SPTLC2: variants seen among roughly 807,000 people sequenced by gnomAD.
SPTLC2 encodes serine palmitoyltransferase 2.
A neutral mutation model predicts 62.0 loss-of-function variants in SPTLC2; 21 were observed. That is an observed-to-expected ratio of 0.34 (90% CI 0.24 to 0.49). The LOEUF (loss-of-function observed/expected upper bound fraction) is 0.49. Among genes scored for constraint, SPTLC2 ranks in the 20% least tolerant of loss-of-function variants. The pLI is 0.99. For synonymous variants in SPTLC2, 261 were observed against 261.8 expected (o/e 1.00, Z 0.03); for missense variants, 511 against 713.0 (o/e 0.72, Z 3.23).
intron 11 of SPTLC2, among the ~76,000 whole-genome samples, chr14:77,517,526 C>T (rs1290120291): frequency 2.6e-5 from 4 of 151,726 alleles, no homozygotes; most frequent in Non-Finnish European, 4.4e-5. Flanking sequence ...CAGACTTATT[C>T]CTATCCTCAA....
At chr14:77,591,363 G>A (rs1289738835) in intron 2 of SPTLC2, among the ~76,000 whole-genome samples, 1 of 152,114 alleles carries the variant, frequency 6.6e-6, no homozygotes, top group East Asian at 1.9e-4. Flanking sequence ...AATGGTTCAT[G>A]GTTTCTTTTT....
At position 77,525,786 on chromosome 14, in the gene SPTLC2, C is replaced by T. The variant is rs139454983; in HGVS notation, c.1304-4205G>A. Reference sequence around the variant, plus strand: ...AAAATTAGCCGGGCGTGGTGGTGGGCGCCTGTAGTCCCAGCTACCTGGGAG... The same window carrying T: ...AAAATTAGCCGGGCGTGGTGGTGGGTGCCTGTAGTCCCAGCTACCTGGGAG... On this transcript the variant is annotated intron_variant, in intron 9 of 11. Coordinates refer to ENST00000216484, the MANE Select transcript of SPTLC2 (RefSeq NM_004863.4). Among the ~76,000 whole-genome samples the T allele has an allele frequency of 6.2e-3, 941 of 151,772 alleles. 15 individuals are homozygous for T. Among genetic ancestry groups the T allele is most frequent in the African/African-American group, 0.021 (889 of 41,400 alleles).
chr14:77,524,384 T>TA (rs76646494), intron 9 of SPTLC2, among the ~76,000 whole-genome samples: 32 of 149,748 alleles, frequency 2.1e-4, no homozygotes, highest in African/African-American at 4.7e-4. Context: ...CCACCACCTT[T>TA]AAAAAAAAAT....
At chr14:77,529,989 TTATAGTC>T (rs2079429786) in intron 9 of SPTLC2, among the ~76,000 whole-genome samples, 1 of 152,178 alleles carries the variant, frequency 6.6e-6, no homozygotes, top group African/African-American at 2.4e-5. Flanking sequence ...AGACAGTACT[TTATAGTC>T]TATCATAAAC....
At chr14:77,547,341 T>C (rs2079534096) in intron 9 of SPTLC2, among the ~76,000 whole-genome samples, 1 of 152,066 alleles carries the variant, frequency 6.6e-6, no homozygotes, top group African/African-American at 2.4e-5. Context: ...TTTCTAATAG[T>C]GAAATAAATT....
intron 6 of SPTLC2, among the ~76,000 whole-genome samples, chr14:77,558,106 G>A (rs550555524): frequency 3.6e-4 from 54 of 150,800 alleles, no homozygotes; most frequent in Non-Finnish European, 7.1e-4. Context: ...GGAGTGCAAT[G>A]GTGTGATCTC....
chr14:77,520,095 T>G lies in SPTLC2; in HGVS notation c.1439+1351A>C, dbSNP rs535888852. On this transcript the variant is annotated intron_variant, in intron 10 of 11. Coordinates refer to ENST00000216484, the MANE Select transcript of SPTLC2 (RefSeq NM_004863.4). ...TTCTCTAAATCTTTCCTAATTAAAG[T>G]GTACACAGTCAGTTGCACCTATGTA... 4.6e-5 allele frequency among the ~76,000 whole-genome samples: 7 copies of G among 152,232 alleles called. No homozygotes were observed. The South Asian group carries it at 1.5e-3, about 32-fold the overall frequency.
chr14:77,595,683 C>T (rs2079842942), intron 2 of SPTLC2, among the ~76,000 whole-genome samples: 1 of 152,160 alleles, frequency 6.6e-6, no homozygotes, highest in African/African-American at 2.4e-5. Flanking sequence ...TCGTGATATA[C>T]TCTTCCCATT....
chr14:77,519,702 A>G (rs1465218564), intron 10 of SPTLC2, among the ~76,000 whole-genome samples: 1 of 152,172 alleles, frequency 6.6e-6, no homozygotes, highest in African/African-American at 2.4e-5. Flanking sequence ...TGGGCTATAC[A>G]GATCCTGCAC....
At chr14:77,528,337 T>C (rs2079419241) in intron 9 of SPTLC2, among the ~76,000 whole-genome samples, 1 of 152,040 alleles carries the variant, frequency 6.6e-6, no homozygotes, top group Non-Finnish European at 1.5e-5. Context: ...GTTCAGGCAA[T>C]TCTCCTGACT....
chr14:77,528,477 C>T (rs113288149), intron 9 of SPTLC2, among the ~76,000 whole-genome samples: 4,284 of 152,156 alleles, frequency 0.028, 218 homozygotes, highest in African/African-American at 0.098. Context: ...GGGATCTGCC[C>T]GCCTCGGCCT....
At chr14:77,548,932 G>A (rs1034115684) in intron 9 of SPTLC2, among the ~76,000 whole-genome samples, 1 of 152,146 alleles carries the variant, frequency 6.6e-6, no homozygotes, top group Non-Finnish European at 1.5e-5. Flanking sequence ...ACATATACAT[G>A]TTTAAGCCTT....
chr14:77,586,625 T>C (rs994259047), intron 2 of SPTLC2, among the ~76,000 whole-genome samples: 3 of 152,094 alleles, frequency 2.0e-5, no homozygotes, highest in Non-Finnish European at 4.4e-5. Context: ...GAAAACACTA[T>C]GCTAAGCGAA....
intron 1 of SPTLC2, among the ~76,000 whole-genome samples, chr14:77,602,711 T>G (rs941980415): frequency 7.2e-5 from 11 of 152,038 alleles, no homozygotes; most frequent in African/African-American, 2.7e-4. Context: ...GAGATTAACA[T>G]AAGATAACAT....
intron 9 of SPTLC2, among the ~76,000 whole-genome samples, chr14:77,543,509 T>C (rs11159273): frequency 0.23 from 35,399 of 152,064 alleles, 4,856 homozygotes; most frequent in Middle Eastern, 0.38. Flanking sequence ...TAGAAGGCAA[T>C]ACAATAAGAC....
rs1163176165 is a variant in SPTLC2, at chr14:77,562,290, GTCT to G, written c.850+103_850+105del. 1.4e-5 allele frequency: 14 copies of G among 985,492 alleles called. No individual in the cohort carries two copies. In the East Asian group the frequency reaches 3.4e-4, roughly 24 times the overall value. The allele number at this position is 985,492 out of a possible 1,614,324, so 61.0% of individuals were successfully genotyped here. ...AGAACATTTTAAATGTTGCTACTTT[GTCT>G]TCATTTATACTTTCAAGTGCTAATA... On this transcript the variant is annotated intron_variant, in intron 6 of 11. Coordinates refer to ENST00000216484, the MANE Select transcript of SPTLC2 (RefSeq NM_004863.4).
chr14:77,610,079 C>T (rs769258419), intron 1 of SPTLC2, among the ~76,000 whole-genome samples: 2 of 152,190 alleles, frequency 1.3e-5, no homozygotes, highest in Non-Finnish European at 2.9e-5. Flanking sequence ...CTCATGAACA[C>T]TTAATACCTG....
chr14:77,526,675 T>C (rs539872079), intron 9 of SPTLC2, among the ~76,000 whole-genome samples: 1 of 152,302 alleles, frequency 6.6e-6, no homozygotes, highest in East Asian at 1.9e-4. Flanking sequence ...TCTTGGAAAA[T>C]GTAGATAACT....
intron 4 of SPTLC2, among the ~76,000 whole-genome samples, chr14:77,574,654 A>G (rs976293441): frequency 2.0e-5 from 3 of 152,242 alleles, no homozygotes; most frequent in African/African-American, 7.2e-5. Flanking sequence ...AAGGATTATT[A>G]TTCAGTCATA....
Sources: allele counts gnomAD v4.1 joint callset (sites outside exome capture counted in the v4.1 genomes callset), GRCh38; gene constraint gnomAD v4.1.1; transcripts MANE v1.5; gene names NCBI Gene and HGNC (gene_info 2026-07-23, HGNC 2026-07-21).